The following MEGF6 variants were observed in gnomAD, a reference collection of about 807,000 sequenced individuals.
The protein encoded by MEGF6 is multiple epidermal growth factor-like domains protein 6.
A neutral mutation model predicts 207.1 loss-of-function variants in MEGF6; 184 were observed. The observed-to-expected ratio is 0.89, with a 90% CI of 0.79 to 1.00. The LOEUF is 1.00. Among genes scored for constraint, MEGF6 ranks in the 50% least tolerant of loss-of-function variants. The probability of loss-of-function intolerance (pLI) is 0.00; values close to 1 mark genes in which losing one functional copy is unlikely to be tolerated. For synonymous variants in MEGF6, 1,038 were observed against 910.0 expected, an observed-to-expected ratio of 1.14 and a Z score of -2.53; for missense variants, 2,282 against 2,202.9, an observed-to-expected ratio of 1.04 and a Z score of -0.72.
intron 26 of MEGF6, chr1:3,497,619 A>C: frequency 1.5e-6 from 1 of 664,050 alleles, no homozygotes; most frequent in Non-Finnish European, 2.8e-6. Context: ...CCCTTGGCAC[A>C]GGCTGCAGGG....
At chr1:3,498,605 G>A (rs1435190828) in intron 25 of MEGF6, 93 bp downstream of exon 25, 39 of 1,481,774 alleles carry the variant, frequency 2.6e-5, no homozygotes, top group Middle Eastern at 3.7e-4. Flanking sequence ...ACCCCAGGGC[G>A]CTGCCCCCTG....
chr1:3,574,012 C>G (rs374072771), intron 4 of MEGF6, among the ~76,000 whole-genome samples: 1 of 152,304 alleles, frequency 6.6e-6, no homozygotes, highest in East Asian at 1.9e-4. Context: ...AGGGCCCCAA[C>G]AGCTGCCAGA....
chr1:3,616,565 GGGGGTGGGAGGCCGGGGGTGAGAGAC>G, the MEGF6 span, among the ~76,000 whole-genome samples: 195 of 152,238 alleles, frequency 1.3e-3, no homozygotes, highest in African/African-American at 4.4e-3. Context: ...GGGTGAGAGA[GGGGGTGGGAGGCCGGGGGTGAGAGAC>G]GGGGTGGGAG....
intron 1 of MEGF6, among the ~76,000 whole-genome samples, chr1:3,602,956 C>A (rs189773161): frequency 9.8e-5 from 15 of 152,336 alleles, no homozygotes; most frequent in Admixed American, 2.0e-4. Context: ...CAGGACCAAG[C>A]GCGGGCCCAT....
chr1:3,491,966 C>T (rs1171302621), intron 35 of MEGF6, among the ~76,000 whole-genome samples: 10 of 151,882 alleles, frequency 6.6e-5, no homozygotes, highest in Non-Finnish European at 1.3e-4. Context: ...TGCCCCCTGC[C>T]GCACATGCAT....
chr1:3,591,289 A>G (rs938421297), intron 3 of MEGF6, among the ~76,000 whole-genome samples: 4 of 152,240 alleles, frequency 2.6e-5, no homozygotes, highest in Admixed American at 6.5e-5. Flanking sequence ...ATATCCCAGA[A>G]CCACCGAGCA....
chr1:3,505,668 G>A, intron 15 of MEGF6, 112 bp from the exon 16 acceptor site: 2 of 1,362,224 alleles, frequency 1.5e-6, no homozygotes, highest in Non-Finnish European at 1.9e-6. Context: ...GTAGGGAGCT[G>A]TCCTCCTCCA....
upstream of MEGF6, among the ~76,000 whole-genome samples, chr1:3,611,773 G>A (rs1421318689): frequency 6.9e-6 from 1 of 144,192 alleles, no homozygotes; most frequent in Non-Finnish European, 1.5e-5. Flanking sequence ...GCCTTCCCGA[G>A]TCCCGCCCCA....
intron 1 of MEGF6, among the ~76,000 whole-genome samples, chr1:3,603,764 A>G (rs1256464592): frequency 1.3e-5 from 2 of 151,986 alleles, no homozygotes; most frequent in Non-Finnish European, 2.9e-5. Context: ...GCTCCTAACC[A>G]GCCGCCGCCC....
chr1:3,510,973 A>C lies in MEGF6; in HGVS notation c.1115-71T>G, dbSNP rs1641325240. 3 of 1,534,746 alleles carry C rather than the reference A, an allele frequency of 2.0e-6. No individual in the cohort carries two copies. In the Admixed American group the frequency reaches 5.5e-5, roughly 28 times the overall value. ...GTGCACACGCCCCCACCCACACACA[A>C]CTGCATACGACCACACACAACCCAC... On this transcript the variant is annotated intron_variant, in intron 9 of 36. Coordinates refer to ENST00000356575, the MANE Select transcript of MEGF6 (RefSeq NM_001409.4).
chr1:3,511,461 C>T, intron 9 of MEGF6, 89 bp downstream of exon 9: 8 of 1,451,964 alleles, frequency 5.5e-6, no homozygotes, highest in Non-Finnish European at 7.3e-6. Context: ...CGAGGACCTC[C>T]AAGTCATGGC....
intron 7 of MEGF6, 99 bp from the exon 8 acceptor site, chr1:3,512,227 C>T: frequency 6.8e-7 from 1 of 1,468,978 alleles, no homozygotes; most frequent in East Asian, 2.4e-5. Context: ...CACCCAGGGC[C>T]TGTGGCCGCA....
chr1:3,523,092 G>C (rs1641823976), intron 5 of MEGF6, among the ~76,000 whole-genome samples: 1 of 152,078 alleles, frequency 6.6e-6, no homozygotes, highest in African/African-American at 2.4e-5. Context: ...GGGCCCCAGG[G>C]CTGGCGAGCT....
In MEGF6 at chr1:3,493,954, G is replaced by A. The variant is rs761117058; in HGVS notation, c.4258+42C>T. On this transcript the variant is annotated intron_variant, in intron 33 of 36. Transcript: ENST00000356575. ...CTCCTGTCCTGCACCCAGACGGGAC[G>A]GGGCCAGGGAGCGGGGGTTCAGGGA... 17 of 1,583,078 alleles carry A rather than the reference G, an allele frequency of 1.1e-5. No individual in the cohort carries two copies. In the East Asian group the frequency reaches 1.2e-4, roughly 11 times the overall value.
chr1:3,498,907 T>C (rs1640732000), intron 24 of MEGF6, 81 bp from the exon 25 acceptor site: 1 of 1,512,488 alleles, frequency 6.6e-7, no homozygotes, highest in African/African-American at 1.4e-5. Flanking sequence ...CAGCCCCATG[T>C]TGGACTTTGG....
At chr1:3,531,543 G>A (rs1642172783) in intron 4 of MEGF6, 1 of 973,152 alleles carries the variant, frequency 1.0e-6, no homozygotes, top group African/African-American at 2.0e-5. Flanking sequence ...ACCTCCCCCA[G>A]GGGGCCGCGC....
intron 3 of MEGF6, among the ~76,000 whole-genome samples, 165 bp from the exon 4 acceptor site, chr1:3,580,094 G>T (rs1372019114): frequency 6.6e-6 from 1 of 152,126 alleles, no homozygotes; most frequent in Non-Finnish European, 1.5e-5. Context: ...ATGGAGGCTG[G>T]CGTGTCCCCA....
intron 5 of MEGF6, among the ~76,000 whole-genome samples, chr1:3,520,337 G>A (rs1641697538): frequency 6.6e-6 from 1 of 152,256 alleles, no homozygotes; most frequent in African/African-American, 2.4e-5. Flanking sequence ...GACCACATGG[G>A]AGCTGCTCTC....
chr1:3,511,515 T>C (rs367723602), intron 9 of MEGF6, 35 bp downstream of exon 9: 9 of 1,574,454 alleles, frequency 5.7e-6, no homozygotes, highest in African/African-American at 4.1e-5. Context: ...GTCCCTGGAG[T>C]GGGGTGCAGG....
Sources: allele counts gnomAD v4.1 joint callset (sites outside exome capture counted in the v4.1 genomes callset), GRCh38; gene constraint gnomAD v4.1.1; transcripts MANE v1.5; gene names NCBI Gene and HGNC (gene_info 2026-07-23, HGNC 2026-07-21).